The following PSMB7 variants were observed in gnomAD, a reference collection of about 807,000 sequenced individuals.
PSMB7 encodes proteasome subunit beta type-7.
PSMB7 carries 5 observed loss-of-function variants against 28.1 expected under a neutral mutation model. The observed-to-expected ratio is 0.18, with a 90% confidence interval of 0.09 to 0.37. The LOEUF is 0.37. PSMB7 is among the 10% of genes least tolerant of loss of function. PSMB7 has a pLI of 1.00. For synonymous variants in PSMB7, 122 were observed against 123.7 expected, an observed-to-expected ratio of 0.99 and a Z score of 0.09; for missense variants, 275 against 346.2, an observed-to-expected ratio of 0.79 and a Z score of 1.63.
chr9:124,410,810 G>A (rs557778247), intron 4 of PSMB7, among the ~76,000 whole-genome samples: 3 of 152,196 alleles, frequency 2.0e-5, no homozygotes, highest in South Asian at 2.1e-4. Flanking sequence ...ATGAGGACCC[G>A]CAAATTATCA....
chr9:124,362,179 C>A (rs527336553), intron 6 of PSMB7, among the ~76,000 whole-genome samples: 2 of 152,152 alleles, frequency 1.3e-5, no homozygotes, highest in Admixed American at 6.5e-5. Context: ...TTTGACATAA[C>A]TGATTTGTAA....
At chr9:124,403,319 G>C (rs2131176262) in intron 5 of PSMB7, among the ~76,000 whole-genome samples, 1 of 151,796 alleles carries the variant, frequency 6.6e-6, no homozygotes, top group South Asian at 2.1e-4. Context: ...GAGCCCAGGA[G>C]TTCGAGACCA....
Position 124,382,715 on chromosome 9 carries a change from T to C in PSMB7, c.570+1883A>G, listed in dbSNP as rs531197966. 4.6e-5 allele frequency among the ~76,000 whole-genome samples: 7 copies of C among 152,332 alleles called. No homozygotes were observed. The East Asian group carries it at 5.8e-4, about 13-fold the overall frequency. ...ACTGATCTAAGAAACATTCTTCAGA[T>C]TGATAATATCAATTTTATCGAAAGG... On this transcript the variant is annotated intron_variant, in intron 6 of 7. Coordinates refer to ENST00000259457, the MANE Select transcript of PSMB7 (RefSeq NM_002799.4).
chr9:124,394,961 A>T (rs890781985), intron 5 of PSMB7, among the ~76,000 whole-genome samples: 5 of 152,258 alleles, frequency 3.3e-5, no homozygotes, highest in African/African-American at 1.2e-4. Flanking sequence ...AATGCATCTT[A>T]TATTAATCAA....
At chr9:124,391,498 T>C (rs1050040576) in intron 5 of PSMB7, among the ~76,000 whole-genome samples, 5 of 152,206 alleles carry the variant, frequency 3.3e-5, no homozygotes, top group Non-Finnish European at 4.4e-5. Flanking sequence ...CATCTGGATA[T>C]AGTTAATTTG....
At chr9:124,370,076 C>A (rs566626221) in intron 6 of PSMB7, among the ~76,000 whole-genome samples, 1 of 152,226 alleles carries the variant, frequency 6.6e-6, no homozygotes, top group South Asian at 2.1e-4. Flanking sequence ...GAAGGACCAC[C>A]GTCTATCAAC....
chr9:124,380,745 C>T (rs1830655846), intron 6 of PSMB7, among the ~76,000 whole-genome samples: 2 of 152,078 alleles, frequency 1.3e-5, no homozygotes, highest in African/African-American at 4.8e-5. Context: ...ACCCATTGAA[C>T]TCTACACTCA....
chr9:124,411,848 A>G (rs1307443080), intron 4 of PSMB7, among the ~76,000 whole-genome samples: 1 of 152,198 alleles, frequency 6.6e-6, no homozygotes, highest in African/African-American at 2.4e-5. Context: ...GCGCTTTAGC[A>G]TAGGTCCTGG....
intron 6 of PSMB7, among the ~76,000 whole-genome samples, chr9:124,381,919 CTT>C (rs1830671122): frequency 6.6e-6 from 1 of 152,020 alleles, no homozygotes; most frequent in African/African-American, 2.4e-5. Flanking sequence ...CTTCTGTTTA[CTT>C]TTAAACTCAA....
At chr9:124,413,811 G>A (rs559869307) in intron 3 of PSMB7, 97 bp downstream of exon 3, 2 of 789,056 alleles carry the variant, frequency 2.5e-6, no homozygotes, top group African/African-American at 1.7e-5. Flanking sequence ...GAAAATACAG[G>A]TTGAAAAACA....
At chr9:124,378,899 A>T (rs759130476) in intron 6 of PSMB7, among the ~76,000 whole-genome samples, 30 of 152,258 alleles carry the variant, frequency 2.0e-4, no homozygotes, top group Admixed American at 6.5e-4. Flanking sequence ...AAAATGCCCC[A>T]GCATGGTTAT....
intron 5 of PSMB7, among the ~76,000 whole-genome samples, chr9:124,397,324 G>C (rs1830853074): frequency 6.6e-6 from 1 of 152,212 alleles, no homozygotes; most frequent in Admixed American, 6.5e-5. Context: ...GAAGGTTTTA[G>C]GGCAGAAACT....
At chr9:124,379,175 CCAGT>C (rs1470245904) in intron 6 of PSMB7, among the ~76,000 whole-genome samples, 1 of 135,344 alleles carries the variant, frequency 7.4e-6, no homozygotes, top group East Asian at 2.4e-4. Flanking sequence ...AGATTTATCA[CCAGT>C]AAGTAATACA....
At chr9:124,398,443 T>G (rs967185534) in intron 5 of PSMB7, 2 of 341,868 alleles carry the variant, frequency 5.9e-6, no homozygotes, top group African/African-American at 4.6e-5. Flanking sequence ...GATCTTACAT[T>G]CTCTGTAAAG....
At position 124,356,503 on chromosome 9, in the gene PSMB7, G is replaced by A. The variant is rs537899436; in HGVS notation, c.722+261C>T. On this transcript the variant is annotated intron_variant, in intron 7 of 7. Transcript: ENST00000259457. The surrounding 1 kb of genome is among the most constrained non-coding windows in gnomAD (Gnocchi z 4.4). ...GACAGCAGATGATCCAAACCTCTCCGGCCCCACCTCCCAGCCTAGGGCTCT... is the reference window on the plus strand; with the variant it reads ...GACAGCAGATGATCCAAACCTCTCCAGCCCCACCTCCCAGCCTAGGGCTCT... 2.6e-5 allele frequency among the ~76,000 whole-genome samples: 4 copies of A among 152,098 alleles called. No individual in the cohort carries two copies. The highest frequency in any genetic ancestry group is 2.1e-4 in the South Asian group (1 of 4,822).
chr9:124,397,915 C>CCCAG (rs1830858089), intron 5 of PSMB7, among the ~76,000 whole-genome samples: 2 of 152,200 alleles, frequency 1.3e-5, no homozygotes, highest in African/African-American at 4.8e-5. Context: ...TGCCTGTAAT[C>CCCAG]CCAGCACTTT....
At chr9:124,414,758 G>A (rs553376281) in intron 2 of PSMB7, 84 bp downstream of exon 2, 35 of 1,167,242 alleles carry the variant, frequency 3.0e-5, no homozygotes, top group Middle Eastern at 5.2e-4. Flanking sequence ...TTTCCAGACC[G>A]AGCCGGGAGA....
intron 3 of PSMB7, 118 bp downstream of exon 3, chr9:124,413,790 T>G (rs1276032509): frequency 2.2e-5 from 15 of 667,022 alleles, no homozygotes; most frequent in Non-Finnish European, 3.8e-5. Context: ...AAATGCCATT[T>G]AAGGGAGACA....
chr9:124,404,363 T>G (rs1006228503), intron 5 of PSMB7, among the ~76,000 whole-genome samples: 3 of 152,244 alleles, frequency 2.0e-5, no homozygotes, highest in Non-Finnish European at 4.4e-5. Flanking sequence ...CTCTCAAAGA[T>G]AGTATCTTGT....
Sources: gnomAD v4.1 joint callset for allele counts (sites outside exome capture counted in the v4.1 genomes callset) on GRCh38, gnomAD v4.1.1 for gene constraint, Gnocchi (gnomAD v3.1) non-coding constraint, MANE v1.5 for transcripts, NCBI Gene and HGNC (gene_info 2026-07-23, HGNC 2026-07-21) for gene names.